GSTCD: variants seen among roughly 807,000 people sequenced by gnomAD.
GSTCD encodes the protein glutathione S-transferase C-terminal domain-containing protein.
In GSTCD, 44 loss-of-function variants were observed where a neutral mutation model predicts 68.3. The ratio of observed to expected loss-of-function variants is 0.64; its 90% CI spans 0.51 to 0.83. The LOEUF (loss-of-function observed/expected upper bound fraction) is 0.83. Among genes scored for constraint, GSTCD ranks in the 40% least tolerant of loss-of-function variants. The pLI is 0.00. For synonymous variants in GSTCD, 273 were observed against 255.2 expected (o/e 1.07, Z -0.67); for missense variants, 739 against 735.9 (o/e 1.00, Z -0.05).
chr4:105,755,152 CAGA>C (rs2149230527), intron 5 of GSTCD, among the ~76,000 whole-genome samples: 1 of 147,498 alleles, frequency 6.8e-6, no homozygotes, highest in African/African-American at 2.5e-5. Context: ...GGAGGCTGAG[CAGA>C]AGGATTGCTT....
intron 2 of GSTCD, among the ~76,000 whole-genome samples, 199 bp downstream of exon 2, chr4:105,718,238 C>T (rs1472163928): frequency 6.6e-6 from 1 of 152,102 alleles, no homozygotes; most frequent in Non-Finnish European, 1.5e-5. Flanking sequence ...ATGTGATCCC[C>T]AATGTTGTTG....
intron 5 of GSTCD, among the ~76,000 whole-genome samples, chr4:105,808,078 TTACTAAATATAATAGACTAGTCTCA>T (rs1722594692): frequency 6.6e-6 from 1 of 152,100 alleles, no homozygotes; most frequent in South Asian, 2.1e-4. Context: ...TGACTTCTGT[TTACTAAATATAATAGACTAGTCTCA>T]GTCCTTATCT....
intron 5 of GSTCD, among the ~76,000 whole-genome samples, chr4:105,799,350 C>A (rs1455472936): frequency 1.3e-5 from 2 of 152,182 alleles, no homozygotes; most frequent in Non-Finnish European, 2.9e-5. Flanking sequence ...GCATTCATAT[C>A]TTGGCTAGCT....
intron 5 of GSTCD, among the ~76,000 whole-genome samples, chr4:105,797,311 A>C (rs778306983): frequency 2.0e-5 from 3 of 151,906 alleles, no homozygotes; most frequent in Non-Finnish European, 4.4e-5. Flanking sequence ...AGTTGTGTTC[A>C]TATACCAGCA....
chr4:105,731,819 G>A (rs1733252922), intron 5 of GSTCD, among the ~76,000 whole-genome samples: 1 of 152,164 alleles, frequency 6.6e-6, no homozygotes, highest in East Asian at 1.9e-4. Context: ...GTATGATATT[G>A]GCTGTGGGTT....
intron 5 of GSTCD, among the ~76,000 whole-genome samples, chr4:105,752,271 T>C (rs1403431977): frequency 6.6e-6 from 1 of 152,154 alleles, no homozygotes; most frequent in African/African-American, 2.4e-5. Flanking sequence ...TCTTTTTTCT[T>C]CTTGGAATTA....
chr4:105,710,167 C>T (rs1732476687), intron 1 of GSTCD, among the ~76,000 whole-genome samples: 4 of 147,878 alleles, frequency 2.7e-5, no homozygotes. Context: ...CTTTGCACTT[C>T]TACGTGTTTT....
chr4:105,825,850 T>G (rs567724411), intron 8 of GSTCD, 50 bp downstream of exon 8: 9 of 1,151,936 alleles, frequency 7.8e-6, no homozygotes, highest in Middle Eastern at 2.1e-4. Flanking sequence ...ATAAGAAAAA[T>G]TACATGCCTT....
At position 105,825,690 on chromosome 4, in the gene GSTCD, A is replaced by G; in HGVS notation, c.1420A>G (p.Lys474Glu). Residue 474 changes from lysine to glutamate, a missense_variant, in exon 8 of 12, where the codon AAG becomes GAG. Coordinates refer to ENST00000515279, the MANE Select transcript of GSTCD (RefSeq NM_001370181.1). ...AATCTAGGTTACATTAATAGAAAAC[A>G]AGGAATTATCATTAATTCGTGCTAA... is the stretch of plus-strand genomic sequence containing the variant. The part of the protein sequence containing the change: ...PSCQVTLIEN[K>E]ELSLIRAKKR... 1 of 1,505,416 alleles carries G rather than the reference A, an allele frequency of 6.6e-7. No homozygotes were observed. Among genetic ancestry groups the G allele is most frequent in the South Asian group, 1.1e-5 (1 of 87,134 alleles). The allele number at this position is 1,505,416 out of a possible 1,614,324, so 93.3% of individuals were successfully genotyped here.
intron 8 of GSTCD, among the ~76,000 whole-genome samples, 174 bp from the exon 9 acceptor site, chr4:105,834,287 T>A (rs79412014): frequency 0.045 from 6,926 of 152,336 alleles, 213 homozygotes; most frequent in Middle Eastern, 0.13. Context: ...ATCTTATGCT[T>A]TATTTGCAAT....
intron 10 of GSTCD, 128 bp downstream of exon 10, chr4:105,838,017 G>T (rs1414459854): frequency 7.7e-6 from 3 of 387,372 alleles, no homozygotes; most frequent in East Asian, 8.3e-5. Context: ...TCTAATATGG[G>T]TTTCTTTTTC....
intron 5 of GSTCD, among the ~76,000 whole-genome samples, chr4:105,748,483 CA>C (rs1254645986): frequency 3.3e-5 from 5 of 152,074 alleles, no homozygotes; most frequent in Non-Finnish European, 1.5e-5. Flanking sequence ...GTGAAATTCT[CA>C]ATACGCATTT....
At chr4:105,786,983 T>C (rs1483536334) in intron 5 of GSTCD, among the ~76,000 whole-genome samples, 1 of 152,120 alleles carries the variant, frequency 6.6e-6, no homozygotes, top group Admixed American at 6.5e-5. Flanking sequence ...GTCTACTCTA[T>C]GTTTACACCC....
intron 5 of GSTCD, among the ~76,000 whole-genome samples, chr4:105,816,756 A>C (rs1483519144): frequency 6.6e-6 from 1 of 152,076 alleles, no homozygotes; most frequent in Non-Finnish European, 1.5e-5. Flanking sequence ...TTTAAGACAG[A>C]CATAACAGAT....
intron 9 of GSTCD, among the ~76,000 whole-genome samples, chr4:105,835,849 G>A (rs1212725579): frequency 2.0e-5 from 3 of 152,172 alleles, no homozygotes; most frequent in African/African-American, 7.2e-5. Flanking sequence ...CAGCTCTCAG[G>A]AGATAAAGTG....
intron 5 of GSTCD, among the ~76,000 whole-genome samples, chr4:105,784,638 C>A (rs1423997623): frequency 2.0e-5 from 3 of 152,178 alleles, no homozygotes; most frequent in Non-Finnish European, 4.4e-5. Context: ...CTTTCTAGCA[C>A]CCATAATTTA....
At chr4:105,752,248 GA>G in intron 5 of GSTCD, among the ~76,000 whole-genome samples, 1 of 152,208 alleles carries the variant, frequency 6.6e-6, no homozygotes, top group African/African-American at 2.4e-5. Flanking sequence ...GATTAAAAGA[GA>G]AAGGTTAAAA....
chr4:105,825,781 C>A lies in GSTCD; in HGVS notation c.1511C>A (p.Thr504Asn). ...ATTCAAGCAAATATGGAATATTTTA[C>A]TGGGATGTTTAATATTGGAGTAAGT... ...WFIQANMEYF[T>N]GMFNIGVALH... is the part of the protein sequence containing the mutation. The change falls in exon 8 of 12, where the codon ACT (threonine) becomes AAT (asparagine). Residue 504 changes from threonine to asparagine, a missense_variant. By Grantham distance (65) the Thr-to-Asn change is moderately conservative. Transcript: ENST00000515279. The A allele has an allele frequency of 6.5e-7, 1 of 1,545,046 alleles. No individual in the cohort carries two copies. The highest frequency in any genetic ancestry group is 8.9e-7 in the Non-Finnish European group (1 of 1,120,094).
intron 5 of GSTCD, among the ~76,000 whole-genome samples, chr4:105,822,211 A>G (rs1723335245): frequency 6.6e-6 from 1 of 152,038 alleles, no homozygotes; most frequent in African/African-American, 2.4e-5. Context: ...TTTGAAAGGA[A>G]AGTTAAGATG....
Sources: allele counts gnomAD v4.1 joint callset (sites outside exome capture counted in the v4.1 genomes callset), GRCh38; gene constraint gnomAD v4.1.1; transcripts MANE v1.5; gene names NCBI Gene and HGNC (gene_info 2026-07-23, HGNC 2026-07-21).